The following UBAP2 variants were observed in gnomAD, a reference collection of about 807,000 sequenced individuals.
UBAP2 encodes the protein ubiquitin-associated protein 2.
In UBAP2, 75 loss-of-function variants were observed where a neutral mutation model predicts 139.6. The ratio of observed to expected loss-of-function variants is 0.54; its 90% confidence interval spans 0.45 to 0.65. The LOEUF (loss-of-function observed/expected upper bound fraction) is 0.65. Ranked by LOEUF, UBAP2 falls within the 30% of genes least tolerant of loss-of-function variation. The pLI is 0.00. For missense variants in UBAP2, 1,368 were observed against 1,369.6 expected, an observed-to-expected ratio of 1.00 and a Z score of 0.02; for synonymous variants, 526 against 526.2, an observed-to-expected ratio of 1.00 and a Z score of 0.01.
intron 6 of UBAP2, among the ~76,000 whole-genome samples, chr9:33,974,389 C>A (rs539960969): frequency 1.2e-4 from 18 of 152,192 alleles, no homozygotes; most frequent in South Asian, 1.0e-3. Flanking sequence ...TGCCTGTAGT[C>A]CCAACTACTC....
chr9:34,011,670 G>GA (rs1341240757), intron 2 of UBAP2: 48 of 987,226 alleles, frequency 4.9e-5, no homozygotes, highest in Admixed American at 1.2e-4. Context: ...TACAGCTTGG[G>GA]AAAAAAGAGG....
intron 19 of UBAP2, 28 bp downstream of exon 19, chr9:33,932,534 A>G: frequency 9.9e-6 from 16 of 1,612,970 alleles, no homozygotes; most frequent in Non-Finnish European, 1.3e-5. Flanking sequence ...AGCATGGCGG[A>G]GGAAGAGGAA....
At chr9:33,935,173 G>C (rs79396528) in intron 17 of UBAP2, 4 of 140,346 alleles carry the variant, frequency 2.9e-5, no homozygotes, top group African/African-American at 1.0e-4. Context: ...CGGGGGGGGG[G>C]GGTCTCATTT....
chr9:34,038,978 T>A (rs1826751928), intron 1 of UBAP2, among the ~76,000 whole-genome samples: 1 of 148,090 alleles, frequency 6.8e-6, no homozygotes, highest in African/African-American at 2.5e-5. Flanking sequence ...CGCGACCCCG[T>A]CTGGGAGTTG....
intron 2 of UBAP2, among the ~76,000 whole-genome samples, chr9:34,012,986 TCTACTAAAA>T (rs1823894383): frequency 6.6e-6 from 1 of 150,668 alleles, no homozygotes; most frequent in African/African-American, 2.4e-5. Context: ...GAAACCCCTC[TCTACTAAAA>T]CTACTAAAAT....
chr9:34,032,676 C>T (rs1392372821), intron 1 of UBAP2, among the ~76,000 whole-genome samples: 1 of 152,124 alleles, frequency 6.6e-6, no homozygotes, highest in Non-Finnish European at 1.5e-5. Flanking sequence ...GTAATTCCAG[C>T]ACTTTGGGAG....
rs545341506 is a variant in UBAP2, at chr9:33,973,490, G to C, written c.521-253C>G. Reference sequence around the variant, plus strand: ...TTGTGGTATTTGACAGCTAAACACAGGGAGGTTGTATTATAAAACAGTCTG... The same window carrying C: ...TTGTGGTATTTGACAGCTAAACACACGGAGGTTGTATTATAAAACAGTCTG... On this transcript the variant is annotated intron_variant, in intron 6 of 28. Transcript: ENST00000379238. 2.5e-4 allele frequency among the ~76,000 whole-genome samples: 38 copies of C among 152,304 alleles called. 1 individual carries two copies. In the South Asian group the frequency reaches 6.6e-3, roughly 27 times the overall value.
chr9:33,977,814 C>T (rs1415111690), intron 6 of UBAP2, among the ~76,000 whole-genome samples: 1 of 151,590 alleles, frequency 6.6e-6, no homozygotes, highest in Non-Finnish European at 1.5e-5. Flanking sequence ...AGGTGTGCAT[C>T]ACCATGCCTG....
intron 1 of UBAP2, among the ~76,000 whole-genome samples, chr9:34,028,108 C>G (rs547531312): frequency 1.3e-5 from 2 of 151,852 alleles, no homozygotes; most frequent in South Asian, 2.1e-4. Context: ...AGCTGATGGA[C>G]AAGGTTGAAC....
intron 2 of UBAP2, among the ~76,000 whole-genome samples, chr9:34,013,152 CAAA>C (rs398010658): frequency 3.8e-5 from 3 of 78,308 alleles, no homozygotes; most frequent in Admixed American, 1.5e-4. Context: ...GACTCTAGCT[CAAA>C]AAAAAAAAAA....
intron 2 of UBAP2, among the ~76,000 whole-genome samples, chr9:34,012,899 C>T (rs1587658649): frequency 6.6e-6 from 1 of 150,768 alleles, no homozygotes; most frequent in African/African-American, 2.4e-5. Context: ...ACCTATAATC[C>T]GGGCAGTTTG....
At chr9:34,038,149 A>G (rs1346659128) in intron 1 of UBAP2, among the ~76,000 whole-genome samples, 2 of 11,804 alleles carry the variant, frequency 1.7e-4, no homozygotes, top group East Asian at 7.7e-3. Context: ...CTGGGAAAAA[A>G]AAAAAAAAAA....
At chr9:33,968,478 G>T in intron 8 of UBAP2, 1 of 546,794 alleles carries the variant, frequency 1.8e-6, no homozygotes, top group South Asian at 1.5e-5. Flanking sequence ...TTCAGGTTGG[G>T]ACATTTGAGC....
chr9:34,040,697 A>G (rs1826992848), intron 1 of UBAP2, among the ~76,000 whole-genome samples: 1 of 152,254 alleles, frequency 6.6e-6, no homozygotes, highest in Admixed American at 6.5e-5. Flanking sequence ...AAAAGGCAAC[A>G]TAAAATGTTG....
intron 6 of UBAP2, among the ~76,000 whole-genome samples, chr9:33,981,181 C>T (rs1270626356): frequency 7.9e-5 from 1 of 12,666 alleles, no homozygotes; most frequent in Non-Finnish European, 1.5e-4. Flanking sequence ...TATATATATT[C>T]TGGATATATA....
At chr9:34,038,643 C>T (rs1175127078) in intron 1 of UBAP2, among the ~76,000 whole-genome samples, 1 of 152,176 alleles carries the variant, frequency 6.6e-6, no homozygotes, top group Non-Finnish European at 1.5e-5. Context: ...CAACCTCCAC[C>T]TCCCACCCGC....
chr9:33,923,288 C>T lies in UBAP2; in HGVS notation c.2902G>A (p.Asp968Asn), dbSNP rs1587495963. 6.2e-7 allele frequency: 1 copy of T among 1,614,192 alleles called. No individual in the cohort carries two copies. Among genetic ancestry groups the T allele is most frequent in the East Asian group, 2.2e-5 (1 of 44,880 alleles). Residue 968 changes from aspartate to asparagine, a missense_variant, in exon 26 of 29, where the codon GAC becomes AAC. Coordinates refer to ENST00000379238, the MANE Select transcript of UBAP2 (RefSeq NM_001370062.2). ...YGQHGYSTGY[D>N]DLTQGTAAGD... ...GCTGCTGTCCCCTGGGTCAGGTCGT[C>T]ATAACCTAGCGTGGCAGGGTACAAG...
At chr9:33,974,920 A>T (rs1472289376) in intron 6 of UBAP2, among the ~76,000 whole-genome samples, 1 of 117,506 alleles carries the variant, frequency 8.5e-6, no homozygotes. Flanking sequence ...CCTGGTTAAC[A>T]GCGTGAGACT....
intron 6 of UBAP2, among the ~76,000 whole-genome samples, chr9:33,976,579 C>A (rs844305): frequency 0.6 from 91,455 of 152,032 alleles, 27,580 homozygotes; most frequent in East Asian, 0.73. Context: ...TATACTTCTG[C>A]GGTGTGGAAA....
Sources: allele counts gnomAD v4.1 joint callset (sites outside exome capture counted in the v4.1 genomes callset), GRCh38; gene constraint gnomAD v4.1.1; transcripts MANE v1.5; gene names NCBI Gene and HGNC (gene_info 2026-07-23, HGNC 2026-07-21).